Variants in RCBTB2 observed in about 807,000 individuals in gnomAD.
The protein encoded by RCBTB2 is RCC1 and BTB domain-containing protein 2.
In RCBTB2, 55 loss-of-function variants were observed where a neutral mutation model predicts 65.4. That is an observed-to-expected ratio of 0.84 (90% CI 0.68 to 1.05). RCBTB2 has a LOEUF of 1.05. RCBTB2 is among the 50% of genes least tolerant of loss of function. RCBTB2 has a pLI of 0.00. For synonymous variants in RCBTB2, 220 were observed against 255.2 expected, an observed-to-expected ratio of 0.86 and a Z score of 1.31; for missense variants, 599 against 680.1, an observed-to-expected ratio of 0.88 and a Z score of 1.33.
At chr13:48,491,651 C>T (rs1949705521) in intron 14 of RCBTB2, 1 of 152,166 alleles carries the variant, frequency 6.6e-6, no homozygotes, top group South Asian at 2.1e-4. Flanking sequence ...GGAATTCATA[C>T]CTACACCACA....
At chr13:48,494,103 A>C (rs552561997) in intron 14 of RCBTB2, among the ~76,000 whole-genome samples, 1 of 152,326 alleles carries the variant, frequency 6.6e-6, no homozygotes, top group Admixed American at 6.5e-5. Flanking sequence ...TCCAAGCTTC[A>C]GTTTTCTCAT....
intron 1 of RCBTB2, among the ~76,000 whole-genome samples, chr13:48,526,776 CG>C (rs1951760833): frequency 6.6e-6 from 1 of 151,680 alleles, no homozygotes; most frequent in Non-Finnish European, 1.5e-5. Flanking sequence ...ATTAGCCAGG[CG>C]TAAGAGTGTG....
chr13:48,509,163 C>A (rs540515019), intron 10 of RCBTB2, among the ~76,000 whole-genome samples: 5 of 151,964 alleles, frequency 3.3e-5, no homozygotes, highest in Admixed American at 1.3e-4. Context: ...CCTGGCCCTG[C>A]AAAAAACACA....
intron 3 of RCBTB2, 90 bp from the exon 4 acceptor site, chr13:48,522,052 A>G: frequency 9.2e-7 from 1 of 1,084,852 alleles, no homozygotes. Flanking sequence ...TTAGCAGGGA[A>G]AATAAGCTAA....
chr13:48,521,362 A>G (rs955586997), intron 4 of RCBTB2, among the ~76,000 whole-genome samples: 1 of 152,256 alleles, frequency 6.6e-6, no homozygotes, highest in Non-Finnish European at 1.5e-5. Context: ...ATAAGCAGAT[A>G]TTATGTAAAT....
At chr13:48,515,845 C>A in intron 4 of RCBTB2, 104 bp from the exon 5 acceptor site, 1 of 1,157,210 alleles carries the variant, frequency 8.6e-7, no homozygotes, top group Admixed American at 2.7e-5. Flanking sequence ...GGGAGGAACA[C>A]ACTGCATCCA....
chr13:48,499,887 G>T, intron 12 of RCBTB2, 127 bp from the exon 13 acceptor site: 1 of 1,063,672 alleles, frequency 9.4e-7, no homozygotes, highest in South Asian at 1.6e-5. Flanking sequence ...CACTTTCTTT[G>T]CTGGCCAGGG....
chr13:48,503,775 C>A (rs566494285), intron 10 of RCBTB2, among the ~76,000 whole-genome samples: 1 of 152,274 alleles, frequency 6.6e-6, no homozygotes, highest in Admixed American at 6.5e-5. Flanking sequence ...TCTTGAACTC[C>A]AGAGCTCAAA....
chr13:48,521,604 C>G (rs1182018146), intron 4 of RCBTB2, among the ~76,000 whole-genome samples: 1 of 152,226 alleles, frequency 6.6e-6, no homozygotes, highest in African/African-American at 2.4e-5. Flanking sequence ...CTCATAGCCT[C>G]TTGCAGGCCA....
At chr13:48,512,591 G>T in intron 7 of RCBTB2, 138 bp downstream of exon 7, 1 of 732,098 alleles carries the variant, frequency 1.4e-6, no homozygotes, top group Non-Finnish European at 2.2e-6. Flanking sequence ...CACCCTGACT[G>T]TGAATTGCTA....
intron 10 of RCBTB2, 110 bp from the exon 11 acceptor site, chr13:48,503,024 G>T: frequency 8.0e-7 from 1 of 1,247,542 alleles, no homozygotes; most frequent in South Asian, 1.7e-5. Flanking sequence ...TTACAAAAAG[G>T]GTCAGGAAAA....
Position 48,513,407 on chromosome 13 carries a change from C to T in RCBTB2, c.350-512G>A, listed in dbSNP as rs1392141175. Among the ~76,000 whole-genome samples the T allele has an allele frequency of 2.6e-5, 4 of 152,092 alleles. No individual in the cohort carries two copies. In the East Asian group the frequency reaches 7.7e-4, roughly 29 times the overall value. On this transcript the variant is annotated intron_variant, in intron 6 of 14. Transcript: ENST00000344532. ...TCAAGAAATATAACCTTATAATCAC[C>T]CCCCAAAAGGCCCTCACATATGCAT...
At chr13:48,508,158 TG>T (rs1300744053) in intron 10 of RCBTB2, among the ~76,000 whole-genome samples, 1 of 152,120 alleles carries the variant, frequency 6.6e-6, no homozygotes, top group African/African-American at 2.4e-5. Flanking sequence ...TTTCCTGCAA[TG>T]GGCCGCAGAA....
chr13:48,523,815 G>A (rs1265724112), intron 2 of RCBTB2, among the ~76,000 whole-genome samples: 1 of 152,060 alleles, frequency 6.6e-6, no homozygotes, highest in Non-Finnish European at 1.5e-5. Context: ...CCTCTTTTCA[G>A]TGTCTTTTAT....
intron 1 of RCBTB2, chr13:48,532,705 G>A (rs886162016): frequency 2.5e-5 from 7 of 283,184 alleles, no homozygotes; most frequent in Non-Finnish European, 4.2e-5. Context: ...CGGCGGCCTG[G>A]GCAGGATGTA....
In RCBTB2 at chr13:48,532,782, G is replaced by C. The variant is rs545752486; in HGVS notation, c.-219+246C>G. On this transcript the variant is annotated intron_variant, in intron 1 of 14. Transcript: ENST00000344532. ...ATGCGCAGGGCCGCCTCTGCCTGCG[G>C]CCTGGGCTGGGTGTAGCCCCGGAAC... The C allele has an allele frequency of 2.5e-4, 78 of 309,552 alleles. 1 individual carries two copies. Among genetic ancestry groups the C allele is most frequent in the African/African-American group, 1.8e-3 (75 of 42,834 alleles). 19.2% of individuals were successfully genotyped at this position (309,552 alleles called of 1,614,324 possible).
At chr13:48,504,408 C>G in intron 10 of RCBTB2, 2 of 831,334 alleles carry the variant, frequency 2.4e-6, no homozygotes, top group Non-Finnish European at 2.9e-6. Context: ...AACAAACAGG[C>G]TTTCTCATTG....
intron 10 of RCBTB2, chr13:48,504,238 G>C (rs1002083093): frequency 6.6e-5 from 65 of 985,286 alleles, no homozygotes; most frequent in Admixed American, 6.1e-5. Flanking sequence ...AGTGCTGGCA[G>C]GTTAATCATC....
At position 48,502,793 on chromosome 13, in the gene RCBTB2, A is replaced by G. The variant is rs1246373059; in HGVS notation, c.1048T>C (p.Phe350Leu). 1 of 1,614,198 alleles carries G rather than the reference A, an allele frequency of 6.2e-7. No individual in the cohort carries two copies. The highest frequency in any genetic ancestry group is 2.2e-5 in the East Asian group (1 of 44,880). Residue 350 changes from phenylalanine to leucine, a missense_variant, in exon 11 of 15, where the codon TTC (phenylalanine) becomes CTC (leucine). By Grantham distance (22) the Phe-to-Leu change is conservative (BLOSUM62 0). Coordinates refer to ENST00000344532, the MANE Select transcript of RCBTB2 (RefSeq NM_001268.4). Reference sequence around the variant, plus strand: ...GCAAACACGTCGTCAGTGCAGGAGAAGTGGGTGAGGTGCGGGAGGATCACG... The same window carrying G: ...GCAAACACGTCGTCAGTGCAGGAGAGGTGGGTGAGGTGCGGGAGGATCACG... ...QSVILPHLTH[F>L]SCTDDVFACF...
Sources: gnomAD v4.1 joint callset for allele counts (sites outside exome capture counted in the v4.1 genomes callset) on GRCh38, gnomAD v4.1.1 for gene constraint, MANE v1.5 for transcripts, NCBI Gene and HGNC (gene_info 2026-07-23, HGNC 2026-07-21) for gene names.